CELSR1: variants seen among roughly 807,000 people sequenced by gnomAD.
CELSR1 encodes the protein adhesion G protein-coupled receptor C1.
CELSR1 carries 110 observed loss-of-function variants against 249.1 expected under a neutral mutation model. The ratio of observed to expected loss-of-function variants is 0.44; its 90% CI spans 0.38 to 0.52. CELSR1 has a LOEUF of 0.52. CELSR1 is among the 20% of genes least tolerant of loss of function. The pLI, the probability that CELSR1 is intolerant of heterozygous loss-of-function variation, is 0.00. For missense variants in CELSR1, 4,109 were observed against 4,296.4 expected (o/e 0.96, Z 1.22); for synonymous variants, 2,113 against 1,900.0 (o/e 1.11, Z -2.92).
Position 46,527,620 on chromosome 22 carries a change from G to T in CELSR1, c.3544+6007C>A, listed in dbSNP as rs1338085598. Among the ~76,000 whole-genome samples the T allele has an allele frequency of 6.6e-6, 1 of 152,198 alleles. No individual in the cohort carries two copies. Among genetic ancestry groups the T allele is most frequent in the East Asian group, 1.9e-4 (1 of 5,202 alleles). On this transcript the variant is annotated intron_variant, in intron 1 of 34. Coordinates refer to ENST00000674500, the MANE Select transcript of CELSR1 (RefSeq NM_001378328.1). This position sits in a 1 kb window ranked among gnomAD's most constrained non-coding sequence, Gnocchi z 5.5. ...CTCTCCCGGCTTTCGCACACAGCAG[G>T]TGCTCAATAAACAAACCAACACTCC... is the stretch of plus-strand genomic sequence containing the variant.
At chr22:46,510,027 C>A (rs2080557354) in intron 1 of CELSR1, among the ~76,000 whole-genome samples, 1 of 152,164 alleles carries the variant, frequency 6.6e-6, no homozygotes, top group Non-Finnish European at 1.5e-5. Flanking sequence ...CAGCCCATGT[C>A]CCTTTCCAGG....
At chr22:46,420,238 G>A (rs1487623962) in intron 5 of CELSR1, among the ~76,000 whole-genome samples, 3 of 148,434 alleles carry the variant, frequency 2.0e-5, no homozygotes, top group African/African-American at 5.0e-5. Flanking sequence ...ACCCACATAT[G>A]CTCACCCACA....
chr22:46,438,377 A>G (rs2079692449), intron 3 of CELSR1, among the ~76,000 whole-genome samples: 1 of 152,146 alleles, frequency 6.6e-6, no homozygotes, highest in South Asian at 2.1e-4. Flanking sequence ...CCGGCCCCTC[A>G]CAGCGGCTCT....
intron 2 of CELSR1, among the ~76,000 whole-genome samples, chr22:46,453,829 TCA>T (rs1390781618): frequency 6.6e-6 from 1 of 152,148 alleles, no homozygotes; most frequent in Non-Finnish European, 1.5e-5. Context: ...TGGGACCTGC[TCA>T]CTACGCATGC....
chr22:46,536,158 T>A lies in CELSR1; in HGVS notation c.1013A>T (p.Tyr338Phe), dbSNP rs2080852695. ...YSTPPRSATT[Y>F]ITVLVKDTND... Reference sequence around the variant, plus strand: ...GGTGTCTTTGACCAAGACAGTGATGTAGGTGGTGGCCGAGCGCGGCGGCGT... The same window carrying A: ...GGTGTCTTTGACCAAGACAGTGATGAAGGTGGTGGCCGAGCGCGGCGGCGT... The change falls in exon 1 of 35, where the codon TAC becomes TTC. Residue 338 changes from tyrosine to phenylalanine, a missense_variant. Coordinates refer to ENST00000674500, the MANE Select transcript of CELSR1 (RefSeq NM_001378328.1). 1 of 1,612,950 alleles carries A rather than the reference T, an allele frequency of 6.2e-7. No homozygotes were observed. The highest frequency in any genetic ancestry group is 1.3e-5 in the African/African-American group (1 of 75,072).
At chr22:46,496,110 C>T (rs1390083723) in intron 1 of CELSR1, among the ~76,000 whole-genome samples, 1 of 151,508 alleles carries the variant, frequency 6.6e-6, no homozygotes, top group Admixed American at 6.6e-5. Context: ...AGGAGAATCA[C>T]TTGAACTCGG....
chr22:46,402,386 TC>T lies in CELSR1; in HGVS notation c.5227-2485del, dbSNP rs200896540. ...ACCCACCACCACACCCAGCTAATTTTCTGTATTTTTAGTAGAGACGGGGCTT... is the reference window on the plus strand; with the variant it reads ...ACCCACCACCACACCCAGCTAATTTTTGTATTTTTAGTAGAGACGGGGCTT... On this transcript the variant is annotated intron_variant, in intron 9 of 34. Transcript: ENST00000674500. The surrounding 1 kb of genome is among the most constrained non-coding windows in gnomAD (Gnocchi z 5.0). Among the ~76,000 whole-genome samples the T allele has an allele frequency of 8.7e-4, 133 of 152,078 alleles. No individual in the cohort carries two copies. The highest frequency in any genetic ancestry group is 3.4e-3 in the Middle Eastern group (1 of 294).
chr22:46,378,752 C>G, intron 22 of CELSR1, 35 bp from the exon 23 acceptor site: 2 of 1,598,228 alleles, frequency 1.3e-6, no homozygotes, highest in South Asian at 2.2e-5. Flanking sequence ...AGGGGTAAGA[C>G]GGTTCCCTCT....
rs1186225584 is a variant in CELSR1, at chr22:46,512,077, C to T, written c.3544+21550G>A. ...GGTCCTGAAGTGCCCCGAGCCCACC[C>T]CCAGATCCCAGCCCAGTGGCCCCCA... On this transcript the variant is annotated intron_variant, in intron 1 of 34. Coordinates refer to ENST00000674500, the MANE Select transcript of CELSR1 (RefSeq NM_001378328.1). The surrounding 1 kb of genome is among the most constrained non-coding windows in gnomAD (Gnocchi z 5.2). Among the ~76,000 whole-genome samples the T allele has an allele frequency of 6.6e-6, 1 of 152,108 alleles. No individual in the cohort carries two copies. Among genetic ancestry groups the T allele is most frequent in the Non-Finnish European group, 1.5e-5 (1 of 68,018 alleles).
At chr22:46,462,883 G>C (rs1035413553) in intron 2 of CELSR1, 1 of 467,312 alleles carries the variant, frequency 2.1e-6, no homozygotes, top group African/African-American at 2.0e-5. Flanking sequence ...CAAGGAAAGA[G>C]CATCTTCAGA....
At chr22:46,499,887 C>T (rs1245710462) in intron 1 of CELSR1, among the ~76,000 whole-genome samples, 1 of 152,140 alleles carries the variant, frequency 6.6e-6, no homozygotes, top group African/African-American at 2.4e-5. Flanking sequence ...AACCCCTCTC[C>T]TAAAAGCCAG....
At position 46,380,623 on chromosome 22, in the gene CELSR1, A is replaced by AGAG. The variant is rs2078967312; in HGVS notation, c.7256+164_7256+165insCTC. 6.6e-6 allele frequency among the ~76,000 whole-genome samples: 1 copy of AGAG among 152,156 alleles called. No individual in the cohort carries two copies. The highest frequency in any genetic ancestry group is 1.5e-5 in the Non-Finnish European group (1 of 68,014). On this transcript the variant is annotated intron_variant, in intron 22 of 34. Coordinates refer to ENST00000674500, the MANE Select transcript of CELSR1 (RefSeq NM_001378328.1). This position sits in a 1 kb window ranked among gnomAD's most constrained non-coding sequence, Gnocchi z 5.1. ...TCTAGGGGAGGACTCTGATATTCCC[A>AGAG]CAGAAGCAGAGCAGGAGGCTCACTG...
Position 46,363,638 on chromosome 22 carries a change from T to G in CELSR1, c.9035+358A>C. ...CACCCCGCCCCCTTCACCCCTGGCATTCCGGGACCCTCAGTATCCTCAACT... is the reference window on the plus strand; with the variant it reads ...CACCCCGCCCCCTTCACCCCTGGCAGTCCGGGACCCTCAGTATCCTCAACT... On this transcript the variant is annotated intron_variant, in intron 34 of 34. Coordinates refer to ENST00000674500, the MANE Select transcript of CELSR1 (RefSeq NM_001378328.1). The surrounding 1 kb of genome is among the most constrained non-coding windows in gnomAD (Gnocchi z 4.3). 2.8e-6 allele frequency: 1 copy of G among 359,386 alleles called. No homozygotes were observed. The allele number at this position is 359,386 out of a possible 1,614,324, so 22.3% of individuals were successfully genotyped here.
intron 25 of CELSR1, chr22:46,370,379 TACAC>T (rs1226777354): frequency 3.1e-6 from 1 of 322,904 alleles, no homozygotes; most frequent in African/African-American, 2.2e-5. Flanking sequence ...ATCACAGATA[TACAC>T]ACACACCACA....
intron 1 of CELSR1, among the ~76,000 whole-genome samples, chr22:46,513,103 C>T (rs754369177): frequency 1.3e-5 from 2 of 152,128 alleles, no homozygotes; most frequent in Admixed American, 1.3e-4. Context: ...GATTCAAACC[C>T]GCGACCACCA....
rs754265494 is a variant in CELSR1 at position 46,399,937 on chromosome 22, C to T, written c.5227-35G>A. On this transcript the variant is annotated intron_variant, in intron 9 of 34. Transcript: ENST00000674500. This position sits in a 1 kb window ranked among gnomAD's most constrained non-coding sequence, Gnocchi z 5.0. ...GGAGAGCCACACCGACTGATTGGTA[C>T]AATGACAATGAAAGAGAAAACATTT... 62 of 1,597,914 alleles carry T rather than the reference C, an allele frequency of 3.9e-5. No individual in the cohort carries two copies. The highest frequency in any genetic ancestry group is 5.0e-5 in the Non-Finnish European group (59 of 1,168,436).
At chr22:46,465,986 A>G (rs1322015237) in intron 1 of CELSR1, among the ~76,000 whole-genome samples, 1 of 152,210 alleles carries the variant, frequency 6.6e-6, no homozygotes, top group East Asian at 1.9e-4. Context: ...CATGAAATTA[A>G]TATTTGTACA....
rs768768128 is a variant in CELSR1, at chr22:46,464,002, C to T, written c.3888G>A (p.Thr1296=). 1.2e-5 allele frequency: 19 copies of T among 1,613,746 alleles called. No individual in the cohort carries two copies. The highest frequency in any genetic ancestry group is 3.3e-4 in the Middle Eastern group (2 of 6,084). The part of the protein sequence containing the change: ...LNRTLLTTIS[T]QRVLPFDDNI... Reference sequence around the variant, plus strand: ...TGTCGTCGAAGGGCAGCACGCGCTGCGTGGAGATGGTGGTCAGCAGCGTCC... The same window carrying T: ...TGTCGTCGAAGGGCAGCACGCGCTGTGTGGAGATGGTGGTCAGCAGCGTCC... The change falls in exon 2 of 35, where the codon ACG becomes ACA. Residue 1296 remains threonine (T), a synonymous_variant. Transcript: ENST00000674500. This position sits in a 1 kb window ranked among gnomAD's most constrained non-coding sequence, Gnocchi z 8.5.
intron 1 of CELSR1, among the ~76,000 whole-genome samples, chr22:46,505,843 T>A (rs537492314): frequency 1.3e-5 from 2 of 152,220 alleles, no homozygotes; most frequent in South Asian, 4.1e-4. Flanking sequence ...CTAAGGATTT[T>A]AAAAAATAAA....
Sources: gnomAD v4.1 joint callset for allele counts (sites outside exome capture counted in the v4.1 genomes callset) on GRCh38, gnomAD v4.1.1 for gene constraint, Gnocchi (gnomAD v3.1) non-coding constraint, MANE v1.5 for transcripts, NCBI Gene and HGNC (gene_info 2026-07-23, HGNC 2026-07-21) for gene names.